Variants in GLYATL2 observed in about 807,000 individuals in gnomAD.
GLYATL2 encodes glycine N-acyltransferase-like protein 2.
GLYATL2 carries 25 observed loss-of-function variants against 21.4 expected under a neutral mutation model. The observed-to-expected ratio is 1.17, with a 90% CI of 0.85 to 1.63. The LOEUF (loss-of-function observed/expected upper bound fraction) is 1.63. Ranked by LOEUF, GLYATL2 falls within the 40% of genes most tolerant of loss-of-function variation. GLYATL2 has a pLI of 0.00. For missense variants in GLYATL2, 361 were observed against 343.3 expected, an observed-to-expected ratio of 1.05 and a Z score of -0.41; for synonymous variants, 114 against 118.2, an observed-to-expected ratio of 0.96 and a Z score of 0.23.
upstream of GLYATL2, chr11:58,907,825 T>A (rs1425596785): frequency 5.5e-6 from 1 of 181,700 alleles, no homozygotes; most frequent in Non-Finnish European, 1.2e-5. Flanking sequence ...TTGCATTTAT[T>A]TGTTAGGTGG....
chr11:58,861,551 G>C (rs1853932011), intron 1 of GLYATL2, among the ~76,000 whole-genome samples: 1 of 150,518 alleles, frequency 6.6e-6, no homozygotes, highest in African/African-American at 2.4e-5. Context: ...TGTTTTTATA[G>C]TTTCTATTTA....
At chr11:58,883,496 A>T (rs1455431077) in intron 1 of GLYATL2, among the ~76,000 whole-genome samples, 1 of 152,130 alleles carries the variant, frequency 6.6e-6, no homozygotes, top group Non-Finnish European at 1.5e-5. Flanking sequence ...GGACACATAC[A>T]CCCTCCCAAG....
Position 58,837,383 on chromosome 11 carries a change from G to A in GLYATL2, c.201C>T (p.Asp67=). 1.9e-6 allele frequency: 3 copies of A among 1,612,902 alleles called. No homozygotes were observed. The African/African-American group carries it at 4.0e-5, about 22-fold the overall frequency. Residue 67 remains aspartate (D), a synonymous_variant, in exon 4 of 6, where the codon GAC becomes GAT. Transcript: ENST00000287275. Reference sequence around the variant, plus strand: ...GGTAAGTGTTGGTATAATGATCCTGGTCATCTTTCATCTCCTGATATAACA... The same window carrying A: ...GGTAAGTGTTGGTATAATGATCCTGATCATCTTTCATCTCCTGATATAACA... ...TRPQKQEMKD[D]QDHYTNTYHI...
At chr11:58,885,563 A>G in intron 1 of GLYATL2, 3 of 415,502 alleles carry the variant, frequency 7.2e-6, no homozygotes, top group South Asian at 5.6e-5. Flanking sequence ...AACAGGGACT[A>G]GTGGAGCCAG....
At chr11:58,909,143 A>T (rs1190918356), upstream of GLYATL2, among the ~76,000 whole-genome samples, 18 of 152,226 alleles carry the variant, frequency 1.2e-4, no homozygotes, top group Non-Finnish European at 1.5e-5. Context: ...TTCAGACTTA[A>T]GAAATTAAAG....
At position 58,869,048 on chromosome 11, in the gene GLYATL2, T is replaced by A. The variant is rs1267524203; in HGVS notation, n.61-30680A>T. ...TACCAGATGGTGGGATCAGCTCCTCTCCATTTGAGAAATTCTGTAGGAATT... is the reference window on the plus strand; with the variant it reads ...TACCAGATGGTGGGATCAGCTCCTCACCATTTGAGAAATTCTGTAGGAATT... On this transcript the variant is annotated intron_variant and non_coding_transcript_variant, in intron 1 of 4. Transcript: ENST00000533636. 5.5e-5 allele frequency among the ~76,000 whole-genome samples: 7 copies of A among 128,406 alleles called. 1 individual carries two copies. The highest frequency in any genetic ancestry group is 1.3e-4 in the African/African-American group (5 of 39,462). 84.2% of individuals were successfully genotyped at this position (128,406 alleles called of 152,430 possible).
At chr11:58,875,804 T>A (rs759314141) in intron 1 of GLYATL2, among the ~76,000 whole-genome samples, 11 of 152,344 alleles carry the variant, frequency 7.2e-5, no homozygotes, top group Non-Finnish European at 1.0e-4. Context: ...ATTTGTGGCA[T>A]TCTCTGTATT....
chr11:58,905,772 C>T (rs954232766), upstream of GLYATL2: 5 of 384,464 alleles, frequency 1.3e-5, no homozygotes, highest in Non-Finnish European at 2.7e-5. Flanking sequence ...GCAGTCCCCT[C>T]GGCCTGGCCG....
chr11:58,884,620 A>G (rs908288452), intron 1 of GLYATL2, among the ~76,000 whole-genome samples: 1 of 152,238 alleles, frequency 6.6e-6, no homozygotes, highest in African/African-American at 2.4e-5. Context: ...TGCTACAGGC[A>G]TTTGGGAACC....
At chr11:58,900,912 C>G (rs1226071991) in intron 1 of GLYATL2, among the ~76,000 whole-genome samples, 1 of 75,512 alleles carries the variant, frequency 1.3e-5, no homozygotes. Context: ...TTAATCTTCA[C>G]CTCCCGCTTT....
At chr11:58,842,476 C>CTGTGTGTGTGTG (rs34133004) in intron 1 of GLYATL2, among the ~76,000 whole-genome samples, 4 of 134,748 alleles carry the variant, frequency 3.0e-5, no homozygotes, top group Admixed American at 7.6e-5. Flanking sequence ...GAGTGAGACT[C>CTGTGTGTGTGTG]TGTGTGTGTG....
chr11:58,838,158 T>C, intron 3 of GLYATL2, 103 bp downstream of exon 3: 1 of 722,420 alleles, frequency 1.4e-6, no homozygotes, highest in Admixed American at 2.5e-5. Context: ...ACATCAACAG[T>C]GTCAATGTTC....
upstream of GLYATL2, among the ~76,000 whole-genome samples, chr11:58,845,896 A>G (rs1178716610): frequency 6.6e-6 from 1 of 151,916 alleles, no homozygotes; most frequent in Non-Finnish European, 1.5e-5. Context: ...ACATATAAAA[A>G]TTATCAGTGA....
At chr11:58,845,109 C>A (rs1853619967), upstream of GLYATL2, among the ~76,000 whole-genome samples, 1 of 152,116 alleles carries the variant, frequency 6.6e-6, no homozygotes, top group African/African-American at 2.4e-5. Flanking sequence ...CATTGTTTTT[C>A]AAAGTGTGTT....
At chr11:58,873,225 G>C (rs1012973217) in intron 1 of GLYATL2, among the ~76,000 whole-genome samples, 9 of 151,444 alleles carry the variant, frequency 5.9e-5, no homozygotes, top group Middle Eastern at 3.4e-3. Context: ...ATCATGTAAT[G>C]TGCAAACAGG....
At position 58,868,974 on chromosome 11, in the gene GLYATL2, G is replaced by A. The variant is rs931454561; in HGVS notation, n.61-30606C>T. Among the ~76,000 whole-genome samples the A allele has an allele frequency of 5.1e-5, 7 of 137,808 alleles. 2 individuals carry two copies. The East Asian group carries it at 2.0e-3, about 40-fold the overall frequency. The allele number at this position is 137,808 out of a possible 152,430, so 90.4% of individuals were successfully genotyped here. A position where few individuals can be genotyped will look rare whatever the true frequency, so the allele number is the denominator to read the frequency against. On this transcript the variant is annotated intron_variant and non_coding_transcript_variant, in intron 1 of 4. Coordinates refer to the GLYATL2 transcript ENST00000533636. The stretch of plus-strand genomic sequence containing the variant: ...GTTTCAGTATGGACACTCTTGGGGA[G>A]TTGTTCGTCATTTTGTGTGTGTCCA...
intron 1 of GLYATL2, among the ~76,000 whole-genome samples, chr11:58,881,357 T>C (rs1247548705): frequency 6.6e-6 from 1 of 152,216 alleles, no homozygotes; most frequent in African/African-American, 2.4e-5. Flanking sequence ...ATGATAACCT[T>C]CTCCAAGTTA....
At chr11:58,857,413 G>T (rs1463370143) in intron 1 of GLYATL2, among the ~76,000 whole-genome samples, 8 of 152,110 alleles carry the variant, frequency 5.3e-5, no homozygotes, top group African/African-American at 1.2e-4. Context: ...GGTGATTCTG[G>T]GACCTGGAAC....
At chr11:58,886,931 C>G (rs1170547359) in intron 1 of GLYATL2, among the ~76,000 whole-genome samples, 1 of 152,174 alleles carries the variant, frequency 6.6e-6, no homozygotes, top group African/African-American at 2.4e-5. Flanking sequence ...GGATGGGAAC[C>G]AGGCTGAGCC....
Sources: allele counts gnomAD v4.1 joint callset (sites outside exome capture counted in the v4.1 genomes callset), GRCh38; gene constraint gnomAD v4.1.1; transcripts MANE v1.5; gene names NCBI Gene and HGNC (gene_info 2026-07-23, HGNC 2026-07-21).